Variants in C5 observed in about 807,000 individuals in gnomAD.
C5 encodes C3 and PZP-like alpha-2-macroglobulin domain-containing protein 4.
In C5, 140 loss-of-function variants were observed where a neutral mutation model predicts 218.8. The observed-to-expected ratio is 0.64, with a 90% CI of 0.56 to 0.74. C5 has a LOEUF of 0.74. C5 is among the 30% of genes least tolerant of loss of function. C5 has a pLI of 0.00. For missense variants in C5, 1,700 were observed against 1,969.6 expected (o/e 0.86, Z 2.59); for synonymous variants, 614 against 682.3 (o/e 0.90, Z 1.56).
At chr9:121,013,127 C>G (rs2131751985) in intron 17 of C5, among the ~76,000 whole-genome samples, 1 of 152,188 alleles carries the variant, frequency 6.6e-6, no homozygotes, top group East Asian at 1.9e-4. Context: ...CAAGACCAGC[C>G]TGGCCAATAT....
Position 120,989,561 on chromosome 9 carries a change from T to G in C5, c.3154+7A>C. 1 of 1,562,522 alleles carries G rather than the reference T, an allele frequency of 6.4e-7. No individual in the cohort carries two copies. Among genetic ancestry groups the G allele is most frequent in the South Asian group, 1.1e-5 (1 of 88,410 alleles). On this transcript the variant is annotated splice_region_variant and intron_variant, in intron 24 of 40. Transcript: ENST00000223642. ...CAATTTTTATGTGAAATACTTTTTTTTTTTACCTTCTTTTAATTTTTTCTT... is the reference window on the plus strand; with the variant it reads ...CAATTTTTATGTGAAATACTTTTTTGTTTTACCTTCTTTTAATTTTTTCTT...
chr9:121,041,763 T>A (rs1293586992), intron 3 of C5, among the ~76,000 whole-genome samples: 3 of 151,704 alleles, frequency 2.0e-5, no homozygotes, highest in Non-Finnish European at 4.4e-5. Flanking sequence ...ATATGCTTGT[T>A]TCTAGGTATG....
chr9:121,028,521 A>AG (rs1165893214), intron 7 of C5, among the ~76,000 whole-genome samples: 1 of 152,246 alleles, frequency 6.6e-6, no homozygotes, highest in Admixed American at 6.5e-5. Flanking sequence ...GGCATAAAAA[A>AG]GGATGAGTTC....
intron 20 of C5, among the ~76,000 whole-genome samples, chr9:121,003,677 G>A (rs1257752322): frequency 1.3e-5 from 2 of 151,916 alleles, no homozygotes; most frequent in Non-Finnish European, 2.9e-5. Context: ...TTGATAAAGG[G>A]GTAATAAAAT....
At position 120,987,360 on chromosome 9, in the gene C5, A is replaced by T. The variant is rs189862286; in HGVS notation, c.3230+1686T>A. 1.4e-4 allele frequency among the ~76,000 whole-genome samples: 21 copies of T among 152,208 alleles called. No homozygotes were observed. In the East Asian group the frequency reaches 3.9e-3, roughly 28 times the overall value. On this transcript the variant is annotated intron_variant, in intron 25 of 40. Coordinates refer to ENST00000223642, the MANE Select transcript of C5 (RefSeq NM_001735.3). ...AGATCTCAATAGCTAAAGAAAAAAAACTGGCCAGGCGCAGTGGCTCATGCC... is the reference window on the plus strand; with the variant it reads ...AGATCTCAATAGCTAAAGAAAAAAATCTGGCCAGGCGCAGTGGCTCATGCC...
chr9:121,024,693 C>T (rs117952610), intron 9 of C5, among the ~76,000 whole-genome samples: 2,064 of 152,288 alleles, frequency 0.014, 77 homozygotes, highest in Admixed American at 0.076. Flanking sequence ...CAACACTGTT[C>T]TTGCTTGCTC....
chr9:121,007,228 T>C (rs549606863), intron 18 of C5, among the ~76,000 whole-genome samples: 3 of 152,342 alleles, frequency 2.0e-5, no homozygotes, highest in East Asian at 1.9e-4. Context: ...CTTTGAAACA[T>C]TGCAAAATCC....
chr9:120,987,389 A>G (rs2047040663), intron 25 of C5, among the ~76,000 whole-genome samples: 1 of 152,154 alleles, frequency 6.6e-6, no homozygotes, highest in Admixed American at 6.5e-5. Context: ...TCATGCCTGT[A>G]ATCCCAGCCC....
intron 4 of C5, among the ~76,000 whole-genome samples, chr9:121,036,730 C>A (rs1287417891): frequency 2.0e-5 from 3 of 152,164 alleles, no homozygotes; most frequent in Non-Finnish European, 4.4e-5. Flanking sequence ...ATGTGTATCA[C>A]CCCCACTCTC....
intron 20 of C5, among the ~76,000 whole-genome samples, chr9:120,999,456 T>C (rs750192771): frequency 1.3e-5 from 2 of 152,156 alleles, no homozygotes; most frequent in African/African-American, 4.8e-5. Flanking sequence ...AGGGAATAGT[T>C]ACCACAGCTG....
intron 20 of C5, among the ~76,000 whole-genome samples, chr9:121,001,892 T>C (rs2047164235): frequency 6.6e-6 from 1 of 152,030 alleles, no homozygotes. Context: ...AATATACATG[T>C]AGGAAGATAT....
intron 11 of C5, 106 bp downstream of exon 11, chr9:121,021,403 C>A (rs2047363911): frequency 1.1e-5 from 9 of 850,706 alleles, no homozygotes; most frequent in Middle Eastern, 2.3e-4. Context: ...GAACTGTTCA[C>A]TGGACTCATG....
At chr9:120,957,512 A>C in intron 38 of C5, 144 bp from the exon 39 acceptor site, 3 of 653,854 alleles carry the variant, frequency 4.6e-6, no homozygotes, top group Non-Finnish European at 8.4e-6. Context: ...GCCTTCCCCA[A>C]TCCCCTCAGT....
At chr9:121,006,091 T>C in intron 19 of C5, 33 bp from the exon 20 acceptor site, 1 of 1,609,844 alleles carries the variant, frequency 6.2e-7, no homozygotes, top group Non-Finnish European at 8.5e-7. Flanking sequence ...AGTAGAATCA[T>C]ATTAGGAAAT....
At chr9:121,011,622 G>A (rs1274200507) in intron 17 of C5, among the ~76,000 whole-genome samples, 2 of 152,136 alleles carry the variant, frequency 1.3e-5, no homozygotes, top group African/African-American at 4.8e-5. Flanking sequence ...TCCCACTGCT[G>A]GGTATATACC....
chr9:121,042,626 CT>C (rs1324770831), intron 3 of C5, among the ~76,000 whole-genome samples: 1 of 152,060 alleles, frequency 6.6e-6, no homozygotes, highest in African/African-American at 2.4e-5. Context: ...ACAAATTTTT[CT>C]TGTTTTCCAA....
At chr9:121,041,234 G>A (rs2047576493) in intron 3 of C5, among the ~76,000 whole-genome samples, 2 of 147,858 alleles carry the variant, frequency 1.4e-5, no homozygotes. Flanking sequence ...ATGAGCCACT[G>A]TGCCTGGCCA....
chr9:120,976,792 T>C lies in C5; in HGVS notation c.3772A>G (p.Ser1258Gly), dbSNP rs202117985. 1.1e-5 allele frequency: 18 copies of C among 1,614,146 alleles called. No homozygotes were observed. In the East Asian group the frequency reaches 3.3e-4, roughly 30 times the overall value. Residue 1258 changes from serine (S) to glycine (G), a missense_variant, in exon 29 of 41, where the codon AGT becomes GGT. Transcript: ENST00000223642. ...TAATTTATATCTTTCAAGTTCAGAC[T>C]GGTGAGTAAAGCATAGGCAGTTGTT... ...VETTAYALLTSLNLKDINYVN... is the reference protein window; with the variant it reads ...VETTAYALLTGLNLKDINYVN...
chr9:120,992,569 T>C (rs2047084867), intron 22 of C5, among the ~76,000 whole-genome samples: 1 of 152,228 alleles, frequency 6.6e-6, no homozygotes, highest in African/African-American at 2.4e-5. Flanking sequence ...TTTTCTCCAT[T>C]GAAACCTGCT....
Sources: allele counts gnomAD v4.1 joint callset (sites outside exome capture counted in the v4.1 genomes callset), GRCh38; gene constraint gnomAD v4.1.1; transcripts MANE v1.5; gene names NCBI Gene and HGNC (gene_info 2026-07-23, HGNC 2026-07-21).